RTN4RL1: variants seen among roughly 807,000 people sequenced by gnomAD.
The protein encoded by RTN4RL1 is reticulon 4 receptor like 1.
A neutral mutation model predicts 25.6 loss-of-function variants in RTN4RL1; 7 were observed. That is an observed-to-expected ratio of 0.27 (90% CI 0.16 to 0.51). The LOEUF (loss-of-function observed/expected upper bound fraction) is 0.51. Among genes scored for constraint, RTN4RL1 ranks in the 20% least tolerant of loss-of-function variants. The probability of loss-of-function intolerance (pLI) is 0.97; values close to 1 mark genes in which losing one functional copy is unlikely to be tolerated. For synonymous variants in RTN4RL1, 297 were observed against 288.2 expected (o/e 1.03, Z -0.31); for missense variants, 500 against 615.6 (o/e 0.81, Z 1.99).
At chr17:2,005,782 CTTTTATTTTTCTTTCTTCCTTTTTTT>C (rs147257006) in intron 1 of RTN4RL1, among the ~76,000 whole-genome samples, 16,052 of 144,180 alleles carry the variant, frequency 0.11, 1,086 homozygotes, top group Non-Finnish European at 0.15. Context: ...TTTCTTTTTT[CTTTTATTTTTCTTTCTTCCTTTTTTT>C]TTTTTTGACA....
At position 2,025,117 on chromosome 17, in the gene RTN4RL1, G is replaced by A. The variant is rs1302505675; in HGVS notation, c.-252C>T. ...CCGCGCGCTTGCTCAGCCCCGGGGCGAGCGGCTTGCTCCGCGGAGCCGGCG... is the reference window on the plus strand; with the variant it reads ...CCGCGCGCTTGCTCAGCCCCGGGGCAAGCGGCTTGCTCCGCGGAGCCGGCG... On this transcript the variant is annotated 5_prime_UTR_variant, in exon 1 of 2. Coordinates refer to ENST00000331238, the MANE Select transcript of RTN4RL1 (RefSeq NM_178568.4). The surrounding 1 kb of genome is among the most constrained non-coding windows in gnomAD (Gnocchi z 4.8). 2.9e-5 allele frequency: 10 copies of A among 346,804 alleles called. No homozygotes were observed. Among genetic ancestry groups the A allele is most frequent in the Non-Finnish European group, 5.2e-5 (10 of 193,394 alleles). 21.5% of individuals were successfully genotyped at this position (346,804 alleles called of 1,614,324 possible). A position where few individuals can be genotyped will look rare whatever the true frequency, so the allele number is the denominator to read the frequency against.
At chr17:2,002,369 T>C (rs928699061) in intron 1 of RTN4RL1, among the ~76,000 whole-genome samples, 2 of 151,108 alleles carry the variant, frequency 1.3e-5, no homozygotes, top group African/African-American at 2.4e-5. Flanking sequence ...CTCGGCTCAC[T>C]GCAAGCTCCG....
chr17:1,979,433 C>T (rs148856451), intron 1 of RTN4RL1, among the ~76,000 whole-genome samples: 1 of 151,976 alleles, frequency 6.6e-6, no homozygotes, highest in East Asian at 1.9e-4. Flanking sequence ...GCTATGCGTG[C>T]GCCACTGCAC....
At chr17:1,982,028 G>A (rs1218749536) in intron 1 of RTN4RL1, among the ~76,000 whole-genome samples, 1 of 152,246 alleles carries the variant, frequency 6.6e-6, no homozygotes, top group Non-Finnish European at 1.5e-5. Context: ...TGGCCGGCAC[G>A]GTGGCTCACG....
At chr17:1,948,294 G>A (rs546673960) in intron 1 of RTN4RL1, among the ~76,000 whole-genome samples, 29 of 152,338 alleles carry the variant, frequency 1.9e-4, no homozygotes, top group African/African-American at 6.5e-4. Flanking sequence ...TCCACCTCCT[G>A]TAGCCCCTGC....
At chr17:2,013,124 T>C (rs1264553960) in intron 1 of RTN4RL1, among the ~76,000 whole-genome samples, 1 of 152,070 alleles carries the variant, frequency 6.6e-6, no homozygotes, top group African/African-American at 2.4e-5. Context: ...AGGATGCTGT[T>C]TTAGTGGGGT....
chr17:1,983,457 T>G (rs557336048), intron 1 of RTN4RL1, among the ~76,000 whole-genome samples: 1 of 152,320 alleles, frequency 6.6e-6, no homozygotes, highest in East Asian at 1.9e-4. Context: ...CTGCACCTAA[T>G]TCGGGAACGA....
chr17:1,953,349 T>C (rs1014724233), intron 1 of RTN4RL1, among the ~76,000 whole-genome samples: 1 of 152,008 alleles, frequency 6.6e-6, no homozygotes, highest in Non-Finnish European at 1.5e-5. Context: ...AAGGCTGCAG[T>C]GAGCCATGAT....
intron 1 of RTN4RL1, among the ~76,000 whole-genome samples, chr17:1,962,863 G>A (rs78165548): frequency 2.6e-4 from 30 of 114,806 alleles, no homozygotes; most frequent in African/African-American, 4.2e-4. Context: ...CTCGATCTCA[G>A]AAAAAAAAAA....
At chr17:1,962,735 T>C (rs2066770483) in intron 1 of RTN4RL1, among the ~76,000 whole-genome samples, 1 of 151,342 alleles carries the variant, frequency 6.6e-6, no homozygotes, top group Non-Finnish European at 1.5e-5. Context: ...CAGGATGGTG[T>C]GCCTGTAACC....
At chr17:1,961,587 T>A in intron 1 of RTN4RL1, among the ~76,000 whole-genome samples, 1 of 151,458 alleles carries the variant, frequency 6.6e-6, no homozygotes, top group Non-Finnish European at 1.5e-5. Flanking sequence ...TCTTCCCTCC[T>A]CCCACTCTTG....
chr17:1,996,975 C>T (rs2066932006), intron 1 of RTN4RL1, among the ~76,000 whole-genome samples: 2 of 152,228 alleles, frequency 1.3e-5, no homozygotes, highest in Admixed American at 1.3e-4. Context: ...CCAAGCCAGG[C>T]AGGGGACCAG....
intron 1 of RTN4RL1, among the ~76,000 whole-genome samples, chr17:1,995,869 C>T (rs370735634): frequency 1.4e-3 from 208 of 152,320 alleles, no homozygotes; most frequent in Non-Finnish European, 2.0e-3. Flanking sequence ...TTTCTCAGAC[C>T]GCCTTCTCCT....
chr17:1,946,930 CTG>C (rs1323704745), intron 1 of RTN4RL1, among the ~76,000 whole-genome samples: 2 of 139,746 alleles, frequency 1.4e-5, no homozygotes, highest in Admixed American at 1.4e-4. Context: ...GTGTGCATCT[CTG>C]TGTGAATGTG....
In RTN4RL1 at chr17:1,936,510, C is replaced by A. The variant is rs749394684; in HGVS notation, c.1312G>T (p.Val438Phe). 1.9e-6 allele frequency: 3 copies of A among 1,546,022 alleles called. No individual in the cohort carries two copies. The South Asian group carries it at 3.6e-5, about 18-fold the overall frequency. Reference sequence around the variant, plus strand: ...GCCCTGGGTCCTCAGCGGAGAGTGACCGCCAGCCCCAGTGTCCAGGCCAGG... The same window carrying A: ...GCCCTGGGTCCTCAGCGGAGAGTGAACGCCAGCCCCAGTGTCCAGGCCAGG... ...SLLAWTLGLAVTLR is the reference protein window; with the variant it reads ...SLLAWTLGLAFTLR Residue 438 changes from valine to phenylalanine, a missense_variant, in exon 2 of 2, where the codon GTC becomes TTC. Physicochemically the swap from Val to Phe is conservative, Grantham distance 50. This residue lies in a region of RTN4RL1 where 268 missense variants were observed against 274.5 expected (regional missense o/e 0.98). Transcript: ENST00000331238.
At position 1,987,185 on chromosome 17, in the gene RTN4RL1, C is replaced by T. The variant is rs116886018; in HGVS notation, c.13+37668G>A. Among the ~76,000 whole-genome samples, 70 of 152,172 alleles carry T rather than the reference C, an allele frequency of 4.6e-4. No homozygotes were observed. The East Asian group carries it at 7.9e-3, about 17-fold the overall frequency. On this transcript the variant is annotated intron_variant, in intron 1 of 1. Transcript: ENST00000331238. The stretch of plus-strand genomic sequence containing the variant: ...AACCCTGCTTTTCCTTTGGGAGAGC[C>T]GGTCCCCTCCCCCAGCTCTCCACCC...
At chr17:1,999,140 C>G (rs1012991069) in intron 1 of RTN4RL1, among the ~76,000 whole-genome samples, 13 of 79,768 alleles carry the variant, frequency 1.6e-4, no homozygotes, top group Non-Finnish European at 2.5e-5. Context: ...GTGTGCTCAT[C>G]ATACACACAC....
intron 1 of RTN4RL1, among the ~76,000 whole-genome samples, chr17:2,013,897 G>A (rs949189490): frequency 2.6e-5 from 4 of 152,136 alleles, no homozygotes; most frequent in Admixed American, 2.0e-4. Context: ...TTTGAGGTGC[G>A]GGTTCTAGAC....
At chr17:2,003,574 C>G (rs1444178991) in intron 1 of RTN4RL1, 2 of 152,314 alleles carry the variant, frequency 1.3e-5, no homozygotes, top group Non-Finnish European at 2.9e-5. Flanking sequence ...ATGGCATTAA[C>G]CCCACTTTTC....
Sources: gnomAD v4.1 joint callset for allele counts (sites outside exome capture counted in the v4.1 genomes callset) on GRCh38, gnomAD v4.1.1 for gene constraint, gnomAD v4.1.1 regional missense constraint, Gnocchi (gnomAD v3.1) non-coding constraint, MANE v1.5 for transcripts, NCBI Gene and HGNC (gene_info 2026-07-23, HGNC 2026-07-21) for gene names.